AFDN: variants seen among roughly 807,000 people sequenced by gnomAD.
AFDN encodes the protein afadin.
Under a neutral mutation model 216.6 loss-of-function variants are expected in AFDN, and 68 were observed. That is an observed-to-expected ratio of 0.31 (90% CI 0.26 to 0.38). The LOEUF is 0.38. Among genes scored for constraint, AFDN ranks in the 10% least tolerant of loss-of-function variants. The pLI is 1.00. For missense variants in AFDN, 2,136 were observed against 2,342.0 expected, an observed-to-expected ratio of 0.91 and a Z score of 1.82; for synonymous variants, 868 against 853.7, an observed-to-expected ratio of 1.02 and a Z score of -0.29.
chr6:167,952,243 C>A, intron 30 of AFDN, 56 bp downstream of exon 30: 1 of 1,612,360 alleles, frequency 6.2e-7, no homozygotes, highest in Non-Finnish European at 8.5e-7. Flanking sequence ...TTAGCTTCTG[C>A]GTGTTTCCCA....
intron 5 of AFDN, among the ~76,000 whole-genome samples, chr6:167,876,306 A>G (rs1785374018): frequency 6.6e-6 from 1 of 152,240 alleles, no homozygotes; most frequent in South Asian, 2.1e-4. Context: ...AAGATCTCAG[A>G]GAGTACGGGA....
At chr6:167,862,132 T>C (rs1384287124) in intron 1 of AFDN, among the ~76,000 whole-genome samples, 1 of 152,176 alleles carries the variant, frequency 6.6e-6, no homozygotes, top group Non-Finnish European at 1.5e-5. Flanking sequence ...ATTTTTGTTT[T>C]CTAAAGTGCC....
rs1018368096 is a variant in AFDN, at chr6:167,870,778, AT to A, written c.414+290del. Among the ~76,000 whole-genome samples, 62 of 150,448 alleles carry A rather than the reference AT, an allele frequency of 4.1e-4. 2 individuals are homozygous for A. In the East Asian group the frequency reaches 9.7e-3, roughly 24 times the overall value. ...AATGATCAGGTGATCAGCTGCAGTT[AT>A]TTTTTTTTTCCAAAATATAAAATCA... On this transcript the variant is annotated intron_variant, in intron 3 of 33. Transcript: ENST00000683244.
chr6:167,837,841 C>G (rs1170023765), intron 1 of AFDN, among the ~76,000 whole-genome samples: 1 of 152,070 alleles, frequency 6.6e-6, no homozygotes, highest in African/African-American at 2.4e-5. Flanking sequence ...TGCAATGAAA[C>G]CAGTGTTTGG....
chr6:167,864,084 G>A (rs760532369), intron 1 of AFDN, among the ~76,000 whole-genome samples: 12 of 152,088 alleles, frequency 7.9e-5, no homozygotes, highest in African/African-American at 1.2e-4. Context: ...GGGACCTCAC[G>A]GGCAGTACAG....
At chr6:167,854,395 T>G (rs1371387549) in intron 1 of AFDN, among the ~76,000 whole-genome samples, 2 of 152,090 alleles carry the variant, frequency 1.3e-5, no homozygotes, top group Non-Finnish European at 2.9e-5. Flanking sequence ...TTACTTGTCT[T>G]GGTACTTTAC....
chr6:167,872,369 G>A lies in AFDN; in HGVS notation c.570G>A (p.Gly190=), dbSNP rs146844232. The change falls in exon 4 of 34, where the codon GGG becomes GGA. Residue 190 remains glycine, a synonymous_variant. Transcript: ENST00000683244. The part of the protein sequence containing the change: ...ASDKDDRPFQ[G]EDVENSRLAA... ...ATAAAGATGATAGACCTTTCCAAGG[G>A]GAGGATGTGTAAGTCAGTTTTGGAA... 4.9e-5 allele frequency: 79 copies of A among 1,606,120 alleles called. No homozygotes were observed. In the African/African-American group the frequency reaches 9.0e-4, roughly 18 times the overall value.
At chr6:167,918,097 G>A (rs1282385504) in intron 20 of AFDN, among the ~76,000 whole-genome samples, 1 of 152,188 alleles carries the variant, frequency 6.6e-6, no homozygotes, top group African/African-American at 2.4e-5. Flanking sequence ...AGGTGGCGAT[G>A]TTCTCTTTTC....
Position 167,918,757 on chromosome 6 carries a change from C to G in AFDN, c.2732C>G (p.Thr911Ser), listed in dbSNP as rs375392926. ...IPTDLIENVV[T>S]VAENTADELA... ...CAGGATCTTATAGAAAATGTAGTGA[C>G]TGTGGCTGAAAACACTGCCGATGAG... The change falls in exon 21 of 34, where the codon ACT becomes AGT. Residue 911 changes from threonine (T) to serine (S), a missense_variant. Coordinates refer to ENST00000683244, the MANE Select transcript of AFDN (RefSeq NM_001386888.1). The G allele has an allele frequency of 3.1e-6, 5 of 1,614,156 alleles. No individual in the cohort carries two copies. Among genetic ancestry groups the G allele is most frequent in the Middle Eastern group, 1.7e-4 (1 of 6,058 alleles).
intron 23 of AFDN, among the ~76,000 whole-genome samples, chr6:167,942,764 G>A (rs1231414290): frequency 6.6e-6 from 1 of 152,076 alleles, no homozygotes; most frequent in Non-Finnish European, 1.5e-5. Context: ...AAAGAACAAG[G>A]GTATAAGGGA....
At chr6:167,850,340 G>A (rs899624552) in intron 1 of AFDN, among the ~76,000 whole-genome samples, 14 of 152,010 alleles carry the variant, frequency 9.2e-5, no homozygotes, top group African/African-American at 3.1e-4. Flanking sequence ...GTTTTAAAAT[G>A]TGCTTGTGTT....
chr6:167,942,185 G>A (rs1794772507), intron 23 of AFDN, among the ~76,000 whole-genome samples: 1 of 152,174 alleles, frequency 6.6e-6, no homozygotes, highest in Non-Finnish European at 1.5e-5. Flanking sequence ...AACTAAAGGG[G>A]ACAAATGCGA....
At chr6:167,864,906 A>G (rs1438851935) in intron 2 of AFDN, 160 bp downstream of exon 2, 2 of 797,080 alleles carry the variant, frequency 2.5e-6, no homozygotes, top group South Asian at 1.3e-5. Flanking sequence ...AAACTGTTTT[A>G]TGTCTGGGAA....
At chr6:167,829,496 G>A (rs1032021867) in intron 1 of AFDN, among the ~76,000 whole-genome samples, 16 of 151,798 alleles carry the variant, frequency 1.1e-4, no homozygotes, top group Admixed American at 2.0e-4. Context: ...GCCATCACAA[G>A]TCCAATTTTT....
intron 15 of AFDN, among the ~76,000 whole-genome samples, chr6:167,912,983 A>G (rs1169938815): frequency 6.6e-6 from 1 of 152,034 alleles, no homozygotes; most frequent in East Asian, 1.9e-4. Context: ...TGTCTCTTCC[A>G]TTCCTATTAA....
intron 6 of AFDN, among the ~76,000 whole-genome samples, chr6:167,887,902 CAGAA>C (rs1455425480): frequency 6.6e-6 from 1 of 152,096 alleles, no homozygotes; most frequent in African/African-American, 2.4e-5. Flanking sequence ...TAAAGGGAGA[CAGAA>C]AGACTAAGAA....
chr6:167,930,329 A>G (rs1407915257), intron 23 of AFDN, among the ~76,000 whole-genome samples: 1 of 152,196 alleles, frequency 6.6e-6, no homozygotes, highest in Non-Finnish European at 1.5e-5. Flanking sequence ...TCCTGGTGAG[A>G]TGTCTATGAT....
intron 8 of AFDN, among the ~76,000 whole-genome samples, chr6:167,892,894 A>AACAAATACTG (rs1360059135): frequency 1.3e-5 from 2 of 152,192 alleles, no homozygotes; most frequent in African/African-American, 4.8e-5. Flanking sequence ...TTACATGGTT[A>AACAAATACTG]TTAATACACT....
intron 1 of AFDN, among the ~76,000 whole-genome samples, chr6:167,838,159 G>A (rs1355200813): frequency 2.0e-5 from 3 of 152,174 alleles, no homozygotes; most frequent in Admixed American, 2.0e-4. Flanking sequence ...ATTGGAATAT[G>A]AATGAGGAGT....
Sources: gnomAD v4.1 joint callset for allele counts (sites outside exome capture counted in the v4.1 genomes callset) on GRCh38, gnomAD v4.1.1 for gene constraint, MANE v1.5 for transcripts, NCBI Gene and HGNC (gene_info 2026-07-23, HGNC 2026-07-21) for gene names.